Variants in NEGR1 observed in about 807,000 individuals in gnomAD.
NEGR1 encodes neuronal growth regulator 1.
Under a neutral mutation model 40.9 loss-of-function variants are expected in NEGR1, and 10 were observed. That is an observed-to-expected ratio of 0.24 (90% CI 0.15 to 0.42). The LOEUF is 0.42. Among genes scored for constraint, NEGR1 ranks in the 10% least tolerant of loss-of-function variants. The pLI is 1.00. For missense variants in NEGR1, 352 were observed against 438.9 expected (o/e 0.80, Z 1.77); for synonymous variants, 185 against 166.8 (o/e 1.11, Z -0.84).
At chr1:72,191,218 T>A (rs1652809772) in intron 1 of NEGR1, among the ~76,000 whole-genome samples, 1 of 151,776 alleles carries the variant, frequency 6.6e-6, no homozygotes, top group African/African-American at 2.4e-5. Context: ...TTCCAACTGA[T>A]TCATAGAGTA....
intron 6 of NEGR1, among the ~76,000 whole-genome samples, chr1:71,462,836 A>AAATT (rs1306216658): frequency 6.6e-6 from 1 of 152,190 alleles, no homozygotes; most frequent in East Asian, 1.9e-4. Flanking sequence ...GAAGACTTAG[A>AAATT]AAGATATGTT....
intron 1 of NEGR1, among the ~76,000 whole-genome samples, chr1:72,134,783 G>A (rs1374054491): frequency 6.6e-6 from 1 of 151,112 alleles, no homozygotes; most frequent in African/African-American, 2.4e-5. Context: ...TGTTGCCCAG[G>A]ATGGAGTGCA....
chr1:72,021,926 G>A (rs1235518297), intron 1 of NEGR1, among the ~76,000 whole-genome samples: 3 of 152,034 alleles, frequency 2.0e-5, no homozygotes, highest in Non-Finnish European at 4.4e-5. Flanking sequence ...ATGAGGTCAG[G>A]AGATTGAGAC....
At chr1:71,990,538 T>A (rs965143408) in intron 1 of NEGR1, among the ~76,000 whole-genome samples, 1 of 152,280 alleles carries the variant, frequency 6.6e-6, no homozygotes, top group South Asian at 2.1e-4. Context: ...GTTATAGCTA[T>A]GAAATGCATG....
At chr1:72,111,085 TACACACACAC>T (rs72146902) in intron 1 of NEGR1, among the ~76,000 whole-genome samples, 1 of 128,436 alleles carries the variant, frequency 7.8e-6, no homozygotes, top group African/African-American at 3.4e-5. Context: ...TATATATATA[TACACACACAC>T]ACACACACAC....
At chr1:71,763,683 AT>A (rs1656023112) in intron 3 of NEGR1, among the ~76,000 whole-genome samples, 1 of 152,054 alleles carries the variant, frequency 6.6e-6, no homozygotes, top group Admixed American at 6.6e-5. Flanking sequence ...TGTGAGCTTT[AT>A]GTTAATAGGG....
chr1:72,160,036 T>C (rs989817196), intron 1 of NEGR1, among the ~76,000 whole-genome samples: 4 of 152,188 alleles, frequency 2.6e-5, no homozygotes, highest in African/African-American at 9.6e-5. Flanking sequence ...TGCATACTTT[T>C]GATAACTATT....
At position 72,117,845 on chromosome 1, in the gene NEGR1, A is replaced by G. The variant is rs115860322; in HGVS notation, c.176+164474T>C. 6.4e-3 allele frequency among the ~76,000 whole-genome samples: 968 copies of G among 151,916 alleles called. 12 individuals are homozygous for G. Among genetic ancestry groups the G allele is most frequent in the African/African-American group, 0.022 (925 of 41,512 alleles). On this transcript the variant is annotated intron_variant, in intron 1 of 6. Coordinates refer to ENST00000357731, the MANE Select transcript of NEGR1 (RefSeq NM_173808.3). ...AAGGTATTTTTGATCCTCAAGTGCC[A>G]CCTGCTCTAGAAACTGCAGCCAAAT... is the stretch of plus-strand genomic sequence containing the variant.
chr1:71,466,155 A>G (rs915723050), intron 6 of NEGR1, among the ~76,000 whole-genome samples: 2 of 152,074 alleles, frequency 1.3e-5, no homozygotes, highest in Non-Finnish European at 2.9e-5. Flanking sequence ...CAGAAATATG[A>G]TAATTTGTGT....
intron 1 of NEGR1, among the ~76,000 whole-genome samples, chr1:72,167,325 A>C (rs2100387047): frequency 6.6e-6 from 1 of 152,262 alleles, no homozygotes; most frequent in African/African-American, 2.4e-5. Flanking sequence ...CACATTCTTT[A>C]ACATACTCCT....
At chr1:71,506,922 G>A (rs1434017058) in intron 6 of NEGR1, among the ~76,000 whole-genome samples, 2 of 152,210 alleles carry the variant, frequency 1.3e-5, no homozygotes, top group African/African-American at 4.8e-5. Context: ...TGTAAGTTAT[G>A]TGTTCTTAAC....
At chr1:71,474,701 G>A (rs545790296) in intron 6 of NEGR1, among the ~76,000 whole-genome samples, 1 of 123,356 alleles carries the variant, frequency 8.1e-6, no homozygotes, top group East Asian at 2.8e-4. Context: ...CTGGGTGGTG[G>A]AGCGAGACTC....
At chr1:72,058,795 C>T (rs965492360) in intron 1 of NEGR1, among the ~76,000 whole-genome samples, 4 of 151,622 alleles carry the variant, frequency 2.6e-5, no homozygotes, top group African/African-American at 9.7e-5. Flanking sequence ...CCTAATTCCT[C>T]CCCTTGAAAT....
chr1:71,909,551 A>C (rs1481926022), intron 2 of NEGR1, among the ~76,000 whole-genome samples: 2 of 152,182 alleles, frequency 1.3e-5, no homozygotes, highest in Non-Finnish European at 2.9e-5. Flanking sequence ...AGTGGCTGGC[A>C]CTAGTGAGTA....
chr1:71,414,815 T>G (rs1057469806), intron 6 of NEGR1, among the ~76,000 whole-genome samples: 2 of 152,148 alleles, frequency 1.3e-5, no homozygotes, highest in African/African-American at 4.8e-5. Context: ...TGTCTGTTTG[T>G]TTACTAAACA....
At chr1:72,078,474 T>C (rs1175692383) in intron 1 of NEGR1, among the ~76,000 whole-genome samples, 2 of 151,996 alleles carry the variant, frequency 1.3e-5, no homozygotes, top group African/African-American at 4.8e-5. Flanking sequence ...TCTAAACTTT[T>C]ATGAATCTAT....
chr1:72,087,439 A>AAATAT (rs1553138420), intron 1 of NEGR1, among the ~76,000 whole-genome samples: 39 of 149,596 alleles, frequency 2.6e-4, no homozygotes, highest in African/African-American at 8.6e-4. Context: ...TCAAAAAAAA[A>AAATAT]ATATATATAT....
intron 2 of NEGR1, among the ~76,000 whole-genome samples, chr1:71,832,027 A>G (rs1658859954): frequency 6.6e-6 from 1 of 151,880 alleles, no homozygotes; most frequent in African/African-American, 2.4e-5. Flanking sequence ...GTAAGTACGC[A>G]AGATGGATTA....
chr1:71,941,092 C>T (rs1435253007), intron 1 of NEGR1, among the ~76,000 whole-genome samples: 1 of 152,142 alleles, frequency 6.6e-6, no homozygotes, highest in Non-Finnish European at 1.5e-5. Flanking sequence ...AATAATATTC[C>T]TATGAAGAGA....
Sources: gnomAD v4.1 joint callset for allele counts (sites outside exome capture counted in the v4.1 genomes callset) on GRCh38, gnomAD v4.1.1 for gene constraint, MANE v1.5 for transcripts, NCBI Gene and HGNC (gene_info 2026-07-23, HGNC 2026-07-21) for gene names.